HESX1: variants seen among roughly 807,000 people sequenced by gnomAD.
HESX1 encodes the protein HESX homeobox 1.
A neutral mutation model predicts 22.5 loss-of-function variants in HESX1; 11 were observed. The observed-to-expected ratio is 0.49, with a 90% CI of 0.31 to 0.81. HESX1 has a LOEUF of 0.81. Ranked by LOEUF, HESX1 falls within the 30% of genes least tolerant of loss-of-function variation. HESX1 has a pLI of 0.05. For missense variants in HESX1, 201 were observed against 212.6 expected, an observed-to-expected ratio of 0.95 and a Z score of 0.34; for synonymous variants, 74 against 76.5, an observed-to-expected ratio of 0.97 and a Z score of 0.17.
chr3:57,224,507 T>G (rs532949383), intron 1 of HESX1, among the ~76,000 whole-genome samples: 126 of 152,296 alleles, frequency 8.3e-4, no homozygotes, highest in Non-Finnish European at 1.6e-3. Context: ...CCATCTTGGA[T>G]AGAGTTTTTC....
chr3:57,221,016 C>T (rs1039708200), intron 1 of HESX1, among the ~76,000 whole-genome samples: 6 of 152,194 alleles, frequency 3.9e-5, no homozygotes, highest in Non-Finnish European at 7.3e-5. Context: ...ATGGTCTCTC[C>T]TTCTGGAATG....
At chr3:57,209,671 CA>C (rs71088042) in intron 1 of HESX1, among the ~76,000 whole-genome samples, 36,067 of 82,148 alleles carry the variant, frequency 0.44, 4,178 homozygotes, top group East Asian at 0.73. Context: ...AGCTCCATCT[CA>C]AAAAAAAAAA....
upstream of HESX1, chr3:57,200,029 C>A: frequency 1.1e-6 from 1 of 930,982 alleles, no homozygotes; most frequent in South Asian, 1.3e-5. Context: ...GACAAGGGGG[C>A]TGGATTTAGA....
chr3:57,217,797 G>A (rs1326179148), intron 1 of HESX1, among the ~76,000 whole-genome samples: 1 of 151,960 alleles, frequency 6.6e-6, no homozygotes, highest in African/African-American at 2.4e-5. Context: ...TCTCATGCAG[G>A]TGCCCTCTTC....
At chr3:57,208,508 G>A (rs1053675683) in intron 1 of HESX1, among the ~76,000 whole-genome samples, 2 of 151,676 alleles carry the variant, frequency 1.3e-5, no homozygotes, top group South Asian at 2.1e-4. Context: ...TACCATACCC[G>A]GATAATTTTT....
At position 57,198,297 on chromosome 3, in the gene HESX1, TAA is replaced by T; in HGVS notation, c.460-4_460-3del. 1 of 1,609,444 alleles carries T rather than the reference TAA, an allele frequency of 6.2e-7. No individual in the cohort carries two copies. Among genetic ancestry groups the T allele is most frequent in the Non-Finnish European group, 8.5e-7 (1 of 1,175,994 alleles). On this transcript the variant is annotated splice_region_variant and splice_polypyrimidine_tract_variant and intron_variant, in intron 3 of 3. Transcript: ENST00000295934. ...TGCACGCCGATTTTGAAACCAAATC[TAA>T]AGTTAAGGAAAAATAAAATAGGTCT...
intron 1 of HESX1, 126 bp from the exon 2 acceptor site, chr3:57,199,078 C>T (rs1428201410): frequency 4.6e-6 from 4 of 865,734 alleles, no homozygotes; most frequent in Non-Finnish European, 7.5e-6. Context: ...AAGAGAATTG[C>T]ACCCCGTTAA....
chr3:57,198,016 T>C lies in HESX1; in HGVS notation c.*181A>G. On this transcript the variant is annotated 3_prime_UTR_variant, in exon 4 of 4. Transcript: ENST00000295934. ...TAAAATATATATAAAAGGTCTTTAC[T>C]ATAACTAAAAGTGCCCAAATATGTA... 1.9e-6 allele frequency: 1 copy of C among 513,076 alleles called. No homozygotes were observed. The highest frequency in any genetic ancestry group is 3.3e-5 in the South Asian group (1 of 29,860). 31.8% of individuals were successfully genotyped at this position (513,076 alleles called of 1,614,324 possible).
chr3:57,206,563 A>C (rs774748619), intron 1 of HESX1, among the ~76,000 whole-genome samples: 4 of 152,368 alleles, frequency 2.6e-5, no homozygotes, highest in East Asian at 1.9e-4. Flanking sequence ...CAGACAAAAC[A>C]AAAACCAAAA....
chr3:57,206,956 A>G (rs1230440646), intron 1 of HESX1, among the ~76,000 whole-genome samples: 1 of 151,942 alleles, frequency 6.6e-6, no homozygotes, highest in African/African-American at 2.4e-5. Context: ...CAGTAGCAGT[A>G]TAATTTTTTT....
upstream of HESX1, among the ~76,000 whole-genome samples, chr3:57,200,337 A>G (rs889272811): frequency 1.5e-4 from 23 of 152,212 alleles, no homozygotes; most frequent in Admixed American, 1.0e-3. Flanking sequence ...CCAGTTACCT[A>G]AACATACAGG....
Position 57,211,527 on chromosome 3 carries a change from CAAAAAAA to C in HESX1, c.-110-11506_-110-11500del, listed in dbSNP as rs61137408. ...TCTGGGTGACAGAGAGAGACCTTGT[CAAAAAAA>C]AAAAAAAAAAAAAAAAAGCCAGGCA... On this transcript the variant is annotated intron_variant, in intron 1 of 2. Transcript: ENST00000495160. 5.6e-4 allele frequency among the ~76,000 whole-genome samples: 18 copies of C among 31,984 alleles called. 1 individual carries two copies. The highest frequency in any genetic ancestry group is 2.3e-3 in the East Asian group (2 of 876). 21.0% of individuals were successfully genotyped at this position (31,984 alleles called of 152,430 possible).
intron 1 of HESX1, among the ~76,000 whole-genome samples, chr3:57,210,117 CTG>C (rs2060545058): frequency 6.6e-6 from 1 of 152,118 alleles, no homozygotes; most frequent in African/African-American, 2.4e-5. Context: ...AAGAAAAAAA[CTG>C]TGAAAACTTT....
At chr3:57,204,861 G>A (rs77264199), upstream of HESX1, among the ~76,000 whole-genome samples, 1,143 of 152,096 alleles carry the variant, frequency 7.5e-3, 15 homozygotes, top group African/African-American at 0.026. Flanking sequence ...TCAGGACTGA[G>A]TCTAAGGTTC....
chr3:57,218,593 G>A (rs953829912), intron 1 of HESX1, among the ~76,000 whole-genome samples: 5 of 151,864 alleles, frequency 3.3e-5, no homozygotes, highest in Non-Finnish European at 5.9e-5. Context: ...ACAGGCACCC[G>A]CCACCACACC....
upstream of HESX1, among the ~76,000 whole-genome samples, chr3:57,204,370 T>G (rs2060508003): frequency 6.6e-6 from 1 of 152,168 alleles, no homozygotes; most frequent in Non-Finnish European, 1.5e-5. Flanking sequence ...AGGAAATACC[T>G]ATTTGATTCA....
At chr3:57,224,172 C>G (rs996198945) in intron 1 of HESX1, among the ~76,000 whole-genome samples, 13 of 152,046 alleles carry the variant, frequency 8.6e-5, no homozygotes, top group Non-Finnish European at 1.6e-4. Flanking sequence ...TTTGCAGAGA[C>G]GGGGTTTCAC....
chr3:57,208,123 A>G (rs1250682571), intron 1 of HESX1, among the ~76,000 whole-genome samples: 7 of 152,094 alleles, frequency 4.6e-5, no homozygotes, highest in Non-Finnish European at 8.8e-5. Context: ...GCAGGGACTA[A>G]ATGGGAAGAA....
At chr3:57,200,222 C>T (rs1042209376), upstream of HESX1, among the ~76,000 whole-genome samples, 1 of 152,218 alleles carries the variant, frequency 6.6e-6, no homozygotes, top group African/African-American at 2.4e-5. Flanking sequence ...ACAGACTTAA[C>T]TTTCTCTAAA....
Sources: gnomAD v4.1 joint callset for allele counts (sites outside exome capture counted in the v4.1 genomes callset) on GRCh38, gnomAD v4.1.1 for gene constraint, MANE v1.5 for transcripts, NCBI Gene and HGNC (gene_info 2026-07-23, HGNC 2026-07-21) for gene names.